GRK5: variants seen among roughly 807,000 people sequenced by gnomAD.
GRK5 encodes the protein g protein-coupled receptor kinase GRK5.
GRK5 carries 40 observed loss-of-function variants against 78.4 expected under a neutral mutation model. The ratio of observed to expected loss-of-function variants is 0.51; its 90% CI spans 0.40 to 0.66. The LOEUF (loss-of-function observed/expected upper bound fraction) is 0.66, where lower values mean the gene tolerates loss of function less well. Ranked by LOEUF, GRK5 falls within the 30% of genes least tolerant of loss-of-function variation. The pLI is 0.00. For missense variants in GRK5, 598 were observed against 759.9 expected (o/e 0.79, Z 2.50); for synonymous variants, 289 against 296.8 (o/e 0.97, Z 0.27).
intron 1 of GRK5, among the ~76,000 whole-genome samples, chr10:119,293,955 G>C (rs73445454): frequency 2.0e-5 from 3 of 152,048 alleles, no homozygotes; most frequent in African/African-American, 7.2e-5. Flanking sequence ...TGCTAATCCC[G>C]GGGGTCTGGG....
At chr10:119,211,626 C>T (rs1848487403) in intron 1 of GRK5, 2 of 152,326 alleles carry the variant, frequency 1.3e-5, no homozygotes. Context: ...GAGGCCCTAG[C>T]AAGCACAGGA....
intron 1 of GRK5, among the ~76,000 whole-genome samples, chr10:119,259,536 G>A (rs1207360208): frequency 6.6e-6 from 1 of 152,212 alleles, no homozygotes; most frequent in African/African-American, 2.4e-5. Context: ...CTCTTGGACA[G>A]AGCCCTCAAT....
chr10:119,366,270 A>T (rs773558789), intron 2 of GRK5, among the ~76,000 whole-genome samples: 10 of 152,294 alleles, frequency 6.6e-5, no homozygotes, highest in South Asian at 2.1e-4. Flanking sequence ...TAGCTTTCTC[A>T]TGGCTGCTCC....
chr10:119,246,278 C>G (rs928784959), intron 1 of GRK5, among the ~76,000 whole-genome samples: 4 of 151,968 alleles, frequency 2.6e-5, no homozygotes, highest in Non-Finnish European at 5.9e-5. Flanking sequence ...ATACCTCATA[C>G]AATGTAAATG....
chr10:119,382,268 C>T (rs796347859), intron 3 of GRK5, among the ~76,000 whole-genome samples: 1 of 102,182 alleles, frequency 9.8e-6, no homozygotes, highest in African/African-American at 3.0e-5. Context: ...AGGCTCTTGG[C>T]GCCTCTTGTG....
At chr10:119,376,941 C>T (rs1461084639) in intron 2 of GRK5, among the ~76,000 whole-genome samples, 1 of 152,216 alleles carries the variant, frequency 6.6e-6, no homozygotes, top group Non-Finnish European at 1.5e-5. Context: ...ACATGGAAAG[C>T]AGGAGTTCCA....
At chr10:119,308,506 G>A (rs975059089) in intron 1 of GRK5, among the ~76,000 whole-genome samples, 1 of 152,214 alleles carries the variant, frequency 6.6e-6, no homozygotes, top group African/African-American at 2.4e-5. Context: ...CCCAGGAGCA[G>A]CCCACTCCAT....
chr10:119,394,804 G>GT (rs1564918116), intron 3 of GRK5, among the ~76,000 whole-genome samples: 114 of 117,546 alleles, frequency 9.7e-4, no homozygotes, highest in African/African-American at 4.0e-3. Flanking sequence ...TGGGTGTGTG[G>GT]GTGTGTGTGT....
intron 6 of GRK5, among the ~76,000 whole-genome samples, chr10:119,429,009 G>T (rs908393655): frequency 6.6e-6 from 1 of 152,216 alleles, no homozygotes; most frequent in African/African-American, 2.4e-5. Flanking sequence ...GTTTCCGGGG[G>T]CGGCTGTAGG....
chr10:119,245,894 C>T (rs990461591), intron 1 of GRK5, among the ~76,000 whole-genome samples: 2 of 151,628 alleles, frequency 1.3e-5, no homozygotes, highest in African/African-American at 4.8e-5. Flanking sequence ...GTGGCGGGTG[C>T]CTGTAGTCCC....
chr10:119,324,584 C>T (rs867044831), intron 1 of GRK5, among the ~76,000 whole-genome samples: 3 of 152,094 alleles, frequency 2.0e-5, no homozygotes, highest in African/African-American at 2.4e-5. Flanking sequence ...GAACCGAGAT[C>T]GTGCCATTGC....
chr10:119,287,170 G>A lies in GRK5; in HGVS notation c.53-39346G>A, dbSNP rs1042236582. On this transcript the variant is annotated intron_variant, in intron 1 of 15. Coordinates refer to ENST00000392870, the MANE Select transcript of GRK5 (RefSeq NM_005308.3). ...CAAGGGAGGGAAGGAGAGAAGAAGG[G>A]AGGGAGAGACAGGAGGAAAGGAGGG... 1.3e-4 allele frequency among the ~76,000 whole-genome samples: 18 copies of A among 139,680 alleles called. 1 individual carries two copies. In the East Asian group the frequency reaches 3.4e-3, roughly 26 times the overall value. The allele number at this position is 139,680 out of a possible 152,430, so 91.6% of individuals were successfully genotyped here. A position where few individuals can be genotyped will look rare whatever the true frequency, so the allele number is the denominator to read the frequency against.
At chr10:119,221,307 A>C (rs1848653903) in intron 1 of GRK5, among the ~76,000 whole-genome samples, 1 of 152,256 alleles carries the variant, frequency 6.6e-6, no homozygotes, top group Non-Finnish European at 1.5e-5. Context: ...ACGAACATCT[A>C]GATAGAACTT....
intron 2 of GRK5, among the ~76,000 whole-genome samples, chr10:119,362,073 G>A (rs1220895436): frequency 6.6e-6 from 1 of 152,068 alleles, no homozygotes; most frequent in African/African-American, 2.4e-5. Context: ...ATTATTGGAG[G>A]TGATGCTACT....
At chr10:119,341,509 TCCCC>T (rs1423999568) in intron 2 of GRK5, among the ~76,000 whole-genome samples, 2 of 152,154 alleles carry the variant, frequency 1.3e-5, no homozygotes, top group African/African-American at 4.8e-5. Context: ...TCAACCTTAG[TCCCC>T]TGCTTCATAG....
At chr10:119,226,936 G>A (rs1848750219) in intron 1 of GRK5, among the ~76,000 whole-genome samples, 1 of 152,100 alleles carries the variant, frequency 6.6e-6, no homozygotes. Context: ...TTGGCTCACT[G>A]CCACCTTGGC....
Position 119,396,795 on chromosome 10 carries a change from C to CA in GRK5, c.339+24dup. 1.9e-6 allele frequency: 3 copies of CA among 1,578,900 alleles called. No homozygotes were observed. In the South Asian group the frequency reaches 3.3e-5, roughly 17 times the overall value. On this transcript the variant is annotated intron_variant, in intron 4 of 15. Transcript: ENST00000392870. ...AAGGTAAGGAGTCTTCCAAACCCCA[C>CA]AGCAGGTGGCACAGGAGGCCTTATG...
At chr10:119,275,613 G>GCGCA (rs1195537574) in intron 1 of GRK5, among the ~76,000 whole-genome samples, 1,662 of 120,722 alleles carry the variant, frequency 0.014, 11 homozygotes, top group East Asian at 0.032. Flanking sequence ...TCTCTCTCTC[G>GCGCA]CACACACACA....
chr10:119,362,513 A>C (rs911492779), intron 2 of GRK5, among the ~76,000 whole-genome samples: 1 of 152,262 alleles, frequency 6.6e-6, no homozygotes, highest in Non-Finnish European at 1.5e-5. Flanking sequence ...GCCTTCCTGC[A>C]TCTAAACTAT....
Sources: allele counts gnomAD v4.1 joint callset (sites outside exome capture counted in the v4.1 genomes callset), GRCh38; gene constraint gnomAD v4.1.1; transcripts MANE v1.5; gene names NCBI Gene and HGNC (gene_info 2026-07-23, HGNC 2026-07-21).